The following CACNA1D variants were observed in gnomAD, a reference collection of about 807,000 sequenced individuals.
CACNA1D encodes the protein voltage-dependent L-type calcium channel subunit alpha-1D.
In CACNA1D, 55 loss-of-function variants were observed where a neutral mutation model predicts 257.1. The ratio of observed to expected loss-of-function variants is 0.21; its 90% CI spans 0.17 to 0.27. The LOEUF (loss-of-function observed/expected upper bound fraction) is 0.27, where lower values mean the gene tolerates loss of function less well. Among genes scored for constraint, CACNA1D ranks in the 10% least tolerant of loss-of-function variants. The probability of loss-of-function intolerance (pLI) is 1.00; values close to 1 mark genes in which losing one functional copy is unlikely to be tolerated. For synonymous variants in CACNA1D, 980 were observed against 1,014.9 expected (o/e 0.97, Z 0.65); for missense variants, 1,876 against 2,784.0 (o/e 0.67, Z 7.34).
At chr3:53,697,120 G>A (rs2094579923) in intron 8 of CACNA1D, among the ~76,000 whole-genome samples, 1 of 152,192 alleles carries the variant, frequency 6.6e-6, no homozygotes, top group Non-Finnish European at 1.5e-5. Flanking sequence ...GAGATAAAAG[G>A]GAATATCTTA....
chr3:53,742,596 G>C (rs1381883144), intron 21 of CACNA1D, among the ~76,000 whole-genome samples: 1 of 152,222 alleles, frequency 6.6e-6, no homozygotes, highest in Admixed American at 6.5e-5. Flanking sequence ...CCACTGGAAA[G>C]GCTTAATTGA....
rs775056182 is a variant in CACNA1D at position 53,726,924 on chromosome 3, A to G, written c.2146A>G (p.Met716Val). ...DWNAVMYDGIMAYGGPSSSGM... is the reference protein window; with the variant it reads ...DWNAVMYDGIVAYGGPSSSGM... ...GAATGCTGTGATGTACGATGGCATC[A>G]TGGCTTACGGGGGCCCATCCTCTTC... The change falls in exon 15 of 48, where the codon ATG becomes GTG. Residue 716 changes from methionine to valine, a missense_variant. Met to Val is a conservative substitution (Grantham distance 21). Around this residue, in one of 10 missense-constraint regions of CACNA1D, gnomAD observed 257 missense variants for 399.7 expected, o/e 0.64. Transcript: ENST00000350061. 2.6e-5 allele frequency: 42 copies of G among 1,614,086 alleles called. No homozygotes were observed. In the East Asian group the frequency reaches 9.4e-4, roughly 36 times the overall value.
At chr3:53,765,472 A>T (rs1484176737) in intron 30 of CACNA1D, 1 of 152,660 alleles carries the variant, frequency 6.6e-6, no homozygotes, top group East Asian at 1.9e-4. Flanking sequence ...CGGCAAGTAT[A>T]TATAAGCATA....
At chr3:53,746,170 G>A (rs2095167112) in intron 25 of CACNA1D, among the ~76,000 whole-genome samples, 1 of 152,096 alleles carries the variant, frequency 6.6e-6, no homozygotes, top group Non-Finnish European at 1.5e-5. Context: ...TGGCTTTTGT[G>A]GTGGAGAATC....
intron 36 of CACNA1D, 48 bp from the exon 37 acceptor site, chr3:53,776,812 G>A (rs373354594): frequency 1.3e-5 from 21 of 1,612,772 alleles, no homozygotes; most frequent in South Asian, 7.7e-5. Flanking sequence ...CTGAAAGTTC[G>A]GGCCAGCTGG....
intron 9 of CACNA1D, among the ~76,000 whole-genome samples, chr3:53,716,809 A>G (rs2094823642): frequency 6.6e-6 from 1 of 152,154 alleles, no homozygotes; most frequent in Non-Finnish European, 1.5e-5. Context: ...TTTCTCGGGC[A>G]CTCACAAGCG....
rs370373192 is a variant in CACNA1D at position 53,575,783 on chromosome 3, C to T, written c.483+74063C>T. On this transcript the variant is annotated intron_variant, in intron 3 of 47. Coordinates refer to ENST00000350061, the MANE Select transcript of CACNA1D (RefSeq NM_001128840.3). The stretch of plus-strand genomic sequence containing the variant: ...AAAATCACCAGTCAGTTCTCTTTAT[C>T]GGAAAAGGTATTAGACACCTGTAGT... 4.6e-5 allele frequency among the ~76,000 whole-genome samples: 7 copies of T among 152,238 alleles called. No homozygotes were observed. In the East Asian group the frequency reaches 5.8e-4, roughly 13 times the overall value.
intron 44 of CACNA1D, among the ~76,000 whole-genome samples, chr3:53,804,386 C>G (rs951986446): frequency 1.3e-5 from 2 of 152,186 alleles, no homozygotes; most frequent in African/African-American, 4.8e-5. Context: ...ACACTGTGGC[C>G]CCTGCTTGGA....
Position 53,811,398 on chromosome 3 carries a change from A to G in CACNA1D, c.6478A>G (p.Thr2160Ala), listed in dbSNP as rs192849222. The G allele has an allele frequency of 1.5e-5, 23 of 1,562,220 alleles. No individual in the cohort carries two copies. The highest frequency in any genetic ancestry group is 2.0e-4 in the Middle Eastern group (1 of 4,966). ...DLADEMICIT[T>A]L is the part of the protein sequence containing the mutation. ...GGCGGATGAAATGATATGCATCACCACCTTGTAGCCCCCAGCGAGGGGCAG... is the reference window on the plus strand; with the variant it reads ...GGCGGATGAAATGATATGCATCACCGCCTTGTAGCCCCCAGCGAGGGGCAG... Residue 2160 changes from threonine to alanine, a missense_variant, in exon 48 of 48, where the codon ACC (threonine) becomes GCC (alanine). Coordinates refer to ENST00000350061, the MANE Select transcript of CACNA1D (RefSeq NM_001128840.3). The surrounding 1 kb of genome is among the most constrained non-coding windows in gnomAD (Gnocchi z 4.2).
At chr3:53,650,980 G>C (rs574724474) in intron 4 of CACNA1D, 62 bp downstream of exon 4, 2 of 1,428,142 alleles carry the variant, frequency 1.4e-6, no homozygotes, top group African/African-American at 2.8e-5. Context: ...GGTTGGGGGG[G>C]GTGGTGGTAA....
chr3:53,804,212 G>A (rs1196125464), intron 44 of CACNA1D, among the ~76,000 whole-genome samples: 2 of 152,184 alleles, frequency 1.3e-5, no homozygotes, highest in Non-Finnish European at 2.9e-5. Context: ...CCAGTGAAGT[G>A]GAAGTGGAAT....
chr3:53,616,382 G>T (rs2093636912), intron 3 of CACNA1D, among the ~76,000 whole-genome samples: 1 of 152,194 alleles, frequency 6.6e-6, no homozygotes, highest in African/African-American at 2.4e-5. Flanking sequence ...GGCTAGAAAA[G>T]GAATGAGGAA....
In CACNA1D at chr3:53,665,719, C is replaced by A; in HGVS notation, c.826C>A (p.Leu276Ile). 1 of 1,607,386 alleles carries A rather than the reference C, an allele frequency of 6.2e-7. No homozygotes were observed. Among genetic ancestry groups the A allele is most frequent in the Non-Finnish European group, 8.5e-7 (1 of 1,174,084 alleles). The change falls in exon 6 of 48, where the codon CTT (leucine) becomes ATT (isoleucine). Residue 276 changes from leucine (L) to isoleucine (I), a missense_variant. Around this residue, in one of 10 missense-constraint regions of CACNA1D, gnomAD observed 188 missense variants for 390.4 expected, o/e 0.48. Transcript: ENST00000350061. ...CATGGTTCCCCTCCTTCACATAGCC[C>A]TTTTGGTATTATTTGTAATCATAAT... ...KAMVPLLHIA[L>I]LVLFVIIIYA...
chr3:53,665,109 T>A (rs1006908144), intron 5 of CACNA1D, among the ~76,000 whole-genome samples: 1 of 152,218 alleles, frequency 6.6e-6, no homozygotes, highest in Non-Finnish European at 1.5e-5. Flanking sequence ...GTTTGCTGTT[T>A]GATCATATAG....
intron 43 of CACNA1D, 68 bp from the exon 44 acceptor site, chr3:53,803,355 G>A (rs1209024028): frequency 2.7e-5 from 43 of 1,588,786 alleles, no homozygotes; most frequent in Non-Finnish European, 3.5e-5. Flanking sequence ...GCCACAGGCA[G>A]AGGTGCAGCT....
chr3:53,637,843 C>T (rs1366633371), intron 3 of CACNA1D, among the ~76,000 whole-genome samples: 3 of 152,134 alleles, frequency 2.0e-5, no homozygotes, highest in African/African-American at 7.2e-5. Flanking sequence ...TTTTTGGCCT[C>T]CCAATGTCTC....
At chr3:53,771,104 C>T (rs986786760) in intron 32 of CACNA1D, among the ~76,000 whole-genome samples, 1 of 152,162 alleles carries the variant, frequency 6.6e-6, no homozygotes, top group East Asian at 1.9e-4. Flanking sequence ...TGGCACAGCT[C>T]GGTTCTAGAC....
intron 3 of CACNA1D, among the ~76,000 whole-genome samples, chr3:53,567,055 T>C (rs1438265875): frequency 2.0e-5 from 3 of 152,204 alleles, no homozygotes; most frequent in Non-Finnish European, 4.4e-5. Flanking sequence ...CCAACTAGCA[T>C]TTCCATTCTG....
chr3:53,650,836 A>T lies in CACNA1D; in HGVS notation c.541A>T (p.Ile181Leu). The T allele has an allele frequency of 6.2e-7, 1 of 1,612,552 alleles. No homozygotes were observed. Among genetic ancestry groups the T allele is most frequent in the Non-Finnish European group, 8.5e-7 (1 of 1,178,530 alleles). The change falls in exon 4 of 48, where the codon ATA becomes TTA. Residue 181 changes from isoleucine (I) to leucine (L), a missense_variant. By Grantham distance (5) the Ile-to-Leu change is conservative. This residue lies in a region of CACNA1D where 188 missense variants were observed against 390.4 expected (regional missense o/e 0.48). Transcript: ENST00000350061. Reference protein sequence around the residue: ...IFTVETFLKIIAYGLLLHPNA... With the variant: ...IFTVETFLKILAYGLLLHPNA... The stretch of plus-strand genomic sequence containing the variant: ...TACAGTCGAGACATTTTTGAAGATT[A>T]TAGCGTATGGATTATTGCTACATCC...
Sources: gnomAD v4.1 joint callset for allele counts (sites outside exome capture counted in the v4.1 genomes callset) on GRCh38, gnomAD v4.1.1 for gene constraint, gnomAD v4.1.1 regional missense constraint, Gnocchi (gnomAD v3.1) non-coding constraint, MANE v1.5 for transcripts, NCBI Gene and HGNC (gene_info 2026-07-23, HGNC 2026-07-21) for gene names.